Variants in APIP observed in about 807,000 individuals in gnomAD.
APIP encodes methylthioribulose-1-phosphate dehydratase.
Under a neutral mutation model 32.0 loss-of-function variants are expected in APIP, and 32 were observed. That is an observed-to-expected ratio of 1.00 (90% CI 0.76 to 1.34). The LOEUF (loss-of-function observed/expected upper bound fraction) is 1.34, where lower values mean the gene tolerates loss of function less well. APIP is among the 40% of genes most tolerant of loss of function. The pLI is 0.00. For synonymous variants in APIP, 92 were observed against 94.8 expected, an observed-to-expected ratio of 0.97 and a Z score of 0.17; for missense variants, 247 against 298.6, an observed-to-expected ratio of 0.83 and a Z score of 1.27.
chr11:34,888,513 T>C lies in APIP; in HGVS notation c.326-85A>G, dbSNP rs1458944128. 9 of 1,544,206 alleles carry C rather than the reference T, an allele frequency of 5.8e-6. No homozygotes were observed. The South Asian group carries it at 7.5e-5, about 13-fold the overall frequency. On this transcript the variant is annotated intron_variant, in intron 4 of 6. Transcript: ENST00000395787. ...AAAAAAGTCCATATAGTTATACTTATATTTACATATGGTTATGGGCTTATT... is the reference window on the plus strand; with the variant it reads ...AAAAAAGTCCATATAGTTATACTTACATTTACATATGGTTATGGGCTTATT...
chr11:34,912,762 G>A (rs1275824421), intron 1 of APIP, among the ~76,000 whole-genome samples: 1 of 152,100 alleles, frequency 6.6e-6, no homozygotes, highest in Admixed American at 6.5e-5. Flanking sequence ...GGCTCTCCTC[G>A]CTCCTCAGCC....
chr11:34,900,232 T>TGGCA (rs932049220), intron 1 of APIP, among the ~76,000 whole-genome samples: 3 of 152,212 alleles, frequency 2.0e-5, no homozygotes, highest in Non-Finnish European at 4.4e-5. Flanking sequence ...TTACCAGCCA[T>TGGCA]GGCAGGCAAG....
chr11:34,895,133 T>C (rs1364651816), intron 1 of APIP, 23 bp from the exon 2 acceptor site: 1 of 1,582,040 alleles, frequency 6.3e-7, no homozygotes, highest in African/African-American at 1.3e-5. Flanking sequence ...GTAATGATTT[T>C]TAAAACAGAC....
At chr11:34,899,031 C>T (rs1273509337) in intron 1 of APIP, among the ~76,000 whole-genome samples, 1 of 151,898 alleles carries the variant, frequency 6.6e-6, no homozygotes, top group African/African-American at 2.4e-5. Context: ...AATCTCCTGA[C>T]CTAGTGATCC....
chr11:34,902,502 G>T (rs1321840419), intron 1 of APIP, among the ~76,000 whole-genome samples: 256 of 152,252 alleles, frequency 1.7e-3, no homozygotes, highest in African/African-American at 5.6e-3. Context: ...TGTCCAAGGG[G>T]ACCAGAGTAT....
At chr11:34,913,594 A>G (rs1436379067) in intron 1 of APIP, among the ~76,000 whole-genome samples, 1 of 152,186 alleles carries the variant, frequency 6.6e-6, no homozygotes, top group Admixed American at 6.5e-5. Context: ...GTTACAGCTC[A>G]TAAAGGTAGT....
At chr11:34,897,121 T>C (rs1853286065) in intron 1 of APIP, among the ~76,000 whole-genome samples, 1 of 152,254 alleles carries the variant, frequency 6.6e-6, no homozygotes, top group Admixed American at 6.5e-5. Context: ...CTTGAAATTG[T>C]GGTGTTTTTC....
chr11:34,908,876 G>T (rs1358735222), intron 1 of APIP, among the ~76,000 whole-genome samples: 2 of 152,202 alleles, frequency 1.3e-5, no homozygotes, highest in African/African-American at 4.8e-5. Context: ...GGGAGGCTGA[G>T]TCTAAAGGGT....
rs941620589 is a variant in APIP, at chr11:34,884,693, T to C, written c.462-1189A>G. On this transcript the variant is annotated intron_variant, in intron 5 of 6. Coordinates refer to ENST00000395787, the MANE Select transcript of APIP (RefSeq NM_015957.4). ...AAGACAAGATCGAGACACTACACTCTAGCCTTGGCGACAGAGCCAGACTTA... is the reference window on the plus strand; with the variant it reads ...AAGACAAGATCGAGACACTACACTCCAGCCTTGGCGACAGAGCCAGACTTA... Among the ~76,000 whole-genome samples the C allele has an allele frequency of 8.6e-5, 13 of 150,946 alleles. 1 individual carries two copies. Among genetic ancestry groups the C allele is most frequent in the Admixed American group, 6.6e-4 (10 of 15,062 alleles).
intron 1 of APIP, among the ~76,000 whole-genome samples, chr11:34,913,537 TGGTCTCGCTGACTTCA>T (rs1191568130): frequency 6.6e-6 from 1 of 152,204 alleles, no homozygotes; most frequent in Non-Finnish European, 1.5e-5. Flanking sequence ...GGTGGGTTCA[TGGTCTCGCTGACTTCA>T]GGAATGAAGC....
intron 1 of APIP, among the ~76,000 whole-genome samples, chr11:34,912,141 C>CG (rs762814355): frequency 3.0e-4 from 46 of 152,190 alleles, no homozygotes; most frequent in Non-Finnish European, 6.0e-4. Flanking sequence ...AGATTATTGT[C>CG]ATAAGCTGAG....
At chr11:34,893,980 T>G (rs986430212) in intron 2 of APIP, among the ~76,000 whole-genome samples, 1 of 152,202 alleles carries the variant, frequency 6.6e-6, no homozygotes, top group African/African-American at 2.4e-5. Flanking sequence ...CATCACTCAA[T>G]TTAACACACA....
intron 2 of APIP, among the ~76,000 whole-genome samples, chr11:34,894,088 T>C (rs930729744): frequency 2.0e-5 from 3 of 152,220 alleles, no homozygotes; most frequent in South Asian, 4.1e-4. Flanking sequence ...CTTAATTTCA[T>C]TGATAGCAAG....
At position 34,890,558 on chromosome 11, in the gene APIP, A is replaced by C. The variant is rs1456136600; in HGVS notation, c.159-6T>G. 1 of 1,609,370 alleles carries C rather than the reference A, an allele frequency of 6.2e-7. No homozygotes were observed. The highest frequency in any genetic ancestry group is 1.7e-5 in the Admixed American group (1 of 59,506). Reference sequence around the variant, plus strand: ...GAGCAATGTAGATTTCATCGCTGGCAACACAAAACATACAAATTGGTATTT... The same window carrying C: ...GAGCAATGTAGATTTCATCGCTGGCCACACAAAACATACAAATTGGTATTT... On this transcript the variant is annotated splice_polypyrimidine_tract_variant and splice_region_variant and intron_variant, in intron 2 of 6. Coordinates refer to ENST00000395787, the MANE Select transcript of APIP (RefSeq NM_015957.4).
At chr11:34,890,656 C>G (rs1853172608) in intron 2 of APIP, 104 bp from the exon 3 acceptor site, 27 of 1,177,592 alleles carry the variant, frequency 2.3e-5, no homozygotes, top group Non-Finnish European at 2.8e-5. Context: ...TCAAGCAATA[C>G]AGCCAGTTGC....
intron 1 of APIP, among the ~76,000 whole-genome samples, chr11:34,914,756 C>T (rs1422679479): frequency 6.6e-6 from 1 of 151,948 alleles, no homozygotes; most frequent in Non-Finnish European, 1.5e-5. Context: ...GTAATCCCAG[C>T]ACTTTGGGCA....
At chr11:34,897,817 G>T (rs1319754962) in intron 1 of APIP, among the ~76,000 whole-genome samples, 1 of 152,038 alleles carries the variant, frequency 6.6e-6, no homozygotes, top group Non-Finnish European at 1.5e-5. Context: ...GGGTGGGAAG[G>T]CTAGTTTTTT....
chr11:34,887,342 A>C (rs1207971868), intron 5 of APIP, among the ~76,000 whole-genome samples: 1 of 152,234 alleles, frequency 6.6e-6, no homozygotes, highest in African/African-American at 2.4e-5. Flanking sequence ...CCTCTCCTTC[A>C]GCCCCAGATA....
intron 1 of APIP, among the ~76,000 whole-genome samples, chr11:34,899,901 C>A (rs568495805): frequency 6.6e-6 from 1 of 152,244 alleles, no homozygotes; most frequent in East Asian, 1.9e-4. Context: ...CTTTTATTCT[C>A]ACTTCTCTTT....
Sources: allele counts gnomAD v4.1 joint callset (sites outside exome capture counted in the v4.1 genomes callset), GRCh38; gene constraint gnomAD v4.1.1; transcripts MANE v1.5; gene names NCBI Gene and HGNC (gene_info 2026-07-23, HGNC 2026-07-21).